RGS6: variants seen among roughly 807,000 people sequenced by gnomAD.
RGS6 encodes the protein regulator of G-protein signaling 6.
In RGS6, 30 loss-of-function variants were observed where a neutral mutation model predicts 78.5. The observed-to-expected ratio is 0.38, with a 90% CI of 0.29 to 0.52. RGS6 has a LOEUF of 0.52. Among genes scored for constraint, RGS6 ranks in the 20% least tolerant of loss-of-function variants. The pLI is 0.85. For synonymous variants in RGS6, 206 were observed against 206.0 expected, an observed-to-expected ratio of 1.00 and a Z score of 0.00; for missense variants, 495 against 609.7, an observed-to-expected ratio of 0.81 and a Z score of 1.98.
At chr14:72,555,458 A>AGAT (rs1186359128) in intron 17 of RGS6, among the ~76,000 whole-genome samples, 2 of 152,220 alleles carry the variant, frequency 1.3e-5, no homozygotes, top group African/African-American at 4.8e-5. Context: ...AACCTGCCTG[A>AGAT]GATAAGCTCA....
At chr14:72,540,189 C>A in intron 17 of RGS6, 95 bp downstream of exon 17, 1 of 1,433,414 alleles carries the variant, frequency 7.0e-7, no homozygotes, top group Non-Finnish European at 9.3e-7. Context: ...GTTGTTGTTT[C>A]CTTTGGGGTG....
intron 2 of RGS6, among the ~76,000 whole-genome samples, chr14:72,272,999 C>T (rs1016831792): frequency 6.6e-6 from 1 of 152,048 alleles, no homozygotes; most frequent in Non-Finnish European, 1.5e-5. Context: ...GCCTGTAATC[C>T]CAGCTACTTG....
At chr14:71,999,271 C>T (rs2082937014) in intron 2 of RGS6, among the ~76,000 whole-genome samples, 2 of 152,166 alleles carry the variant, frequency 1.3e-5, no homozygotes, top group Non-Finnish European at 2.9e-5. Context: ...TTCATGTTCT[C>T]CAGGAAATCC....
intron 2 of RGS6, among the ~76,000 whole-genome samples, chr14:72,283,133 C>T (rs2061872168): frequency 6.6e-6 from 1 of 152,122 alleles, no homozygotes; most frequent in African/African-American, 2.4e-5. Context: ...AATAATATTC[C>T]ACTGTGTGTA....
chr14:72,285,748 A>G (rs922561966), intron 2 of RGS6, among the ~76,000 whole-genome samples: 1 of 152,074 alleles, frequency 6.6e-6, no homozygotes, highest in Non-Finnish European at 1.5e-5. Context: ...TTTGATGTGC[A>G]TTTCTCTCAT....
At chr14:71,920,780 A>C in the RGS6 span, among the ~76,000 whole-genome samples, 1 of 152,178 alleles carries the variant, frequency 6.6e-6, no homozygotes, top group African/African-American at 2.4e-5. Context: ...ATGCAGGTTA[A>C]ATACATCGGT....
chr14:72,381,560 T>C (rs1404454590), intron 3 of RGS6, among the ~76,000 whole-genome samples: 2 of 152,124 alleles, frequency 1.3e-5, no homozygotes, highest in Non-Finnish European at 2.9e-5. Flanking sequence ...TGTGCTCTGA[T>C]AAAATAACAA....
At chr14:72,378,942 A>C (rs927034348) in intron 3 of RGS6, among the ~76,000 whole-genome samples, 1 of 152,160 alleles carries the variant, frequency 6.6e-6, no homozygotes, top group African/African-American at 2.4e-5. Flanking sequence ...CCTCAACAAA[A>C]TACAAACCAA....
intron 2 of RGS6, among the ~76,000 whole-genome samples, chr14:72,184,411 C>CACAG: frequency 6.8e-6 from 1 of 146,932 alleles, no homozygotes; most frequent in Non-Finnish European, 1.5e-5. Context: ...CACACACACA[C>CACAG]AGAAAGAGGG....
At chr14:72,470,515 C>T (rs781096239) in intron 8 of RGS6, among the ~76,000 whole-genome samples, 1 of 152,102 alleles carries the variant, frequency 6.6e-6, no homozygotes, top group Non-Finnish European at 1.5e-5. Flanking sequence ...GAGTTTAGAA[C>T]CAACAGAAAA....
intron 2 of RGS6, among the ~76,000 whole-genome samples, chr14:72,133,322 C>T (rs2096368085): frequency 6.6e-6 from 1 of 152,038 alleles, no homozygotes; most frequent in East Asian, 1.9e-4. Flanking sequence ...TTATGGATGT[C>T]AAGATATACT....
chr14:72,437,539 AC>A (rs1430166591), intron 3 of RGS6, among the ~76,000 whole-genome samples: 21 of 152,202 alleles, frequency 1.4e-4, no homozygotes, highest in Admixed American at 2.0e-4. Flanking sequence ...TTTGCAAGTA[AC>A]CAGCACCTGG....
chr14:72,388,579 C>T (rs1238221732), intron 3 of RGS6, among the ~76,000 whole-genome samples: 1 of 152,164 alleles, frequency 6.6e-6, no homozygotes, highest in Non-Finnish European at 1.5e-5. Flanking sequence ...GCAGGCAGCT[C>T]TTCTGGACCT....
At chr14:72,362,839 C>T (rs113153251) in intron 3 of RGS6, among the ~76,000 whole-genome samples, 12 of 152,158 alleles carry the variant, frequency 7.9e-5, no homozygotes, top group African/African-American at 2.9e-4. Flanking sequence ...AGACACGATT[C>T]ATTGGAGGGC....
At chr14:72,332,312 G>C (rs75467528) in intron 2 of RGS6, among the ~76,000 whole-genome samples, 2 of 152,198 alleles carry the variant, frequency 1.3e-5, no homozygotes, top group Non-Finnish European at 2.9e-5. Flanking sequence ...CAGGCCAGGC[G>C]GTAGGTTTGC....
At chr14:72,282,307 GTTAA>G in intron 2 of RGS6, among the ~76,000 whole-genome samples, 2 of 152,310 alleles carry the variant, frequency 1.3e-5, no homozygotes, top group East Asian at 3.9e-4. Context: ...AGTGATAAGC[GTTAA>G]TTAATTTTTG....
chr14:72,468,375 CAAAA>C (rs5809574), intron 7 of RGS6, among the ~76,000 whole-genome samples: 2 of 132,544 alleles, frequency 1.5e-5, no homozygotes, highest in Non-Finnish European at 1.6e-5. Context: ...GACTCCGTCT[CAAAA>C]AAAAAAAAAA....
At chr14:72,309,191 C>T (rs528888699) in intron 2 of RGS6, among the ~76,000 whole-genome samples, 8 of 152,302 alleles carry the variant, frequency 5.3e-5, no homozygotes, top group African/African-American at 1.9e-4. Flanking sequence ...ATCAAGGCTG[C>T]CCTTTGCTCT....
intron 2 of RGS6, among the ~76,000 whole-genome samples, chr14:72,016,920 C>G (rs774367649): frequency 6.6e-6 from 1 of 152,216 alleles, no homozygotes; most frequent in Non-Finnish European, 1.5e-5. Context: ...TCATCTACAA[C>G]TATGGTATAG....
Sources: gnomAD v4.1 joint callset for allele counts (sites outside exome capture counted in the v4.1 genomes callset) on GRCh38, gnomAD v4.1.1 for gene constraint, MANE v1.5 for transcripts, NCBI Gene and HGNC (gene_info 2026-07-23, HGNC 2026-07-21) for gene names.